Variants in FAM13C observed in about 807,000 individuals in gnomAD.
FAM13C encodes protein FAM13C.
A neutral mutation model predicts 73.2 loss-of-function variants in FAM13C; 37 were observed. The observed-to-expected ratio is 0.51, with a 90% CI of 0.39 to 0.67. The LOEUF is 0.67. Among genes scored for constraint, FAM13C ranks in the 30% least tolerant of loss-of-function variants. The pLI is 0.00. For missense variants in FAM13C, 589 were observed against 715.6 expected (o/e 0.82, Z 2.02); for synonymous variants, 246 against 260.9 (o/e 0.94, Z 0.55).
chr10:59,293,084 T>TTC (rs1846470539), intron 5 of FAM13C, among the ~76,000 whole-genome samples: 1 of 115,274 alleles, frequency 8.7e-6, no homozygotes. Flanking sequence ...TTTTTTTTTT[T>TTC]TTTTTTTGAG....
At position 59,268,229 on chromosome 10, in the gene FAM13C, G is replaced by GAAA. The variant is rs1459964360; in HGVS notation, c.942+323_942+324insTTT. 1.8e-3 allele frequency among the ~76,000 whole-genome samples: 168 copies of GAAA among 91,630 alleles called. 1 individual carries two copies. Among genetic ancestry groups the GAAA allele is most frequent in the African/African-American group, 0.012 (156 of 13,558 alleles). The allele number at this position is 91,630 out of a possible 152,430, so 60.1% of individuals were successfully genotyped here. A position where few individuals can be genotyped will look rare whatever the true frequency, so the allele number is the denominator to read the frequency against. ...GTGAAAAAAAAAGAAAAAAGAAAAA[G>GAAA]AAGAAGAAGAAGAAGAAGAAGACCA... On this transcript the variant is annotated intron_variant, in intron 8 of 13. Transcript: ENST00000618804.
chr10:59,334,670 A>T (rs1326322799), intron 3 of FAM13C, among the ~76,000 whole-genome samples: 1 of 150,454 alleles, frequency 6.6e-6, no homozygotes, highest in Non-Finnish European at 1.5e-5. Context: ...AAAAAAACCA[A>T]ACACTGCATG....
At chr10:59,328,154 T>C (rs436207) in intron 3 of FAM13C, among the ~76,000 whole-genome samples, 10 of 152,020 alleles carry the variant, frequency 6.6e-5, no homozygotes, top group Non-Finnish European at 1.2e-4. Flanking sequence ...CCATCAAATT[T>C]ACTACATTCT....
At chr10:59,338,100 T>C (rs1413835) in intron 3 of FAM13C, among the ~76,000 whole-genome samples, 106,856 of 151,870 alleles carry the variant, frequency 0.7, 38,198 homozygotes, top group East Asian at 0.83. Flanking sequence ...ACAGTAGATA[T>C]TTTAAAAGGA....
At chr10:59,323,535 C>T (rs1850647220) in intron 4 of FAM13C, 1 of 174,862 alleles carries the variant, frequency 5.7e-6, no homozygotes, top group African/African-American at 2.4e-5. Flanking sequence ...AGGCAAGTGC[C>T]TTAATATGTT....
intron 5 of FAM13C, among the ~76,000 whole-genome samples, chr10:59,290,873 C>T (rs1370860051): frequency 6.6e-6 from 1 of 152,150 alleles, no homozygotes; most frequent in African/African-American, 2.4e-5. Context: ...GCAGGGGGGG[C>T]AGGGGTCTCT....
At chr10:59,304,852 A>C (rs1331866144) in intron 4 of FAM13C, among the ~76,000 whole-genome samples, 2 of 34,632 alleles carry the variant, frequency 5.8e-5, no homozygotes, top group East Asian at 8.8e-4. Context: ...GGGGAGGGGG[A>C]GGGGAAGGGA....
intron 2 of FAM13C, among the ~76,000 whole-genome samples, chr10:59,352,859 T>C (rs1855252384): frequency 6.6e-6 from 1 of 152,220 alleles, no homozygotes; most frequent in African/African-American, 2.4e-5. Context: ...TCTAAGAGAT[T>C]AAATCACACG....
At chr10:59,271,726 G>A (rs1253965124) in intron 6 of FAM13C, among the ~76,000 whole-genome samples, 1 of 152,184 alleles carries the variant, frequency 6.6e-6, no homozygotes, top group Non-Finnish European at 1.5e-5. Context: ...ACACCAGTAG[G>A]TGTATGGGTT....
intron 3 of FAM13C, among the ~76,000 whole-genome samples, chr10:59,336,277 CAT>C (rs1376832760): frequency 6.6e-6 from 1 of 152,124 alleles, no homozygotes; most frequent in Non-Finnish European, 1.5e-5. Flanking sequence ...TTAAGAAAAA[CAT>C]AATGCTGCTT....
At chr10:59,360,447 G>C (rs984117133) in intron 1 of FAM13C, among the ~76,000 whole-genome samples, 3 of 152,074 alleles carry the variant, frequency 2.0e-5, no homozygotes, top group South Asian at 2.1e-4. Context: ...TCCCTCCTCC[G>C]TGTAGGCCAA....
chr10:59,288,560 A>T (rs886064426), intron 5 of FAM13C, among the ~76,000 whole-genome samples: 1 of 152,170 alleles, frequency 6.6e-6, no homozygotes, highest in African/African-American at 2.4e-5. Context: ...CTGTACTCAC[A>T]CTAAGCAAGA....
At chr10:59,299,451 G>A (rs1265155470) in intron 5 of FAM13C, among the ~76,000 whole-genome samples, 6 of 150,344 alleles carry the variant, frequency 4.0e-5, no homozygotes, top group African/African-American at 1.5e-4. Context: ...AGAAGTTGAT[G>A]TGGTGCTCTT....
At chr10:59,298,876 T>A (rs1289010614) in intron 5 of FAM13C, among the ~76,000 whole-genome samples, 1 of 152,172 alleles carries the variant, frequency 6.6e-6, no homozygotes, top group Admixed American at 6.6e-5. Context: ...AAGGCCTCAA[T>A]ACTGTAAGAT....
At chr10:59,281,841 G>T (rs1004564683) in intron 6 of FAM13C, among the ~76,000 whole-genome samples, 3 of 152,158 alleles carry the variant, frequency 2.0e-5, no homozygotes, top group African/African-American at 7.2e-5. Context: ...TGAACACTTT[G>T]TCAGAAACTT....
rs1855656405 is a variant in FAM13C at position 59,355,898 on chromosome 10, G to A, written c.108C>T (p.Cys36=). 1 of 1,613,756 alleles carries A rather than the reference G, an allele frequency of 6.2e-7. No homozygotes were observed. ...ATGGTGGCTTTTACCTGAGACTGGA[G>A]CAATCAGTCTGGTCTTCATGTAGAG... The part of the protein sequence containing the change: ...PVSLHEDQTD[C]SSLRDENNKE... Residue 36 remains cysteine, a synonymous_variant, in exon 2 of 14, where the codon TGC becomes TGT. Coordinates refer to ENST00000618804, the MANE Select transcript of FAM13C (RefSeq NM_198215.4).
chr10:59,312,401 A>T (rs940830947), intron 4 of FAM13C, among the ~76,000 whole-genome samples: 2 of 152,092 alleles, frequency 1.3e-5, no homozygotes, highest in Non-Finnish European at 2.9e-5. Context: ...TTCACCTGTC[A>T]TCTTCCCTCC....
intron 4 of FAM13C, among the ~76,000 whole-genome samples, chr10:59,313,692 T>C (rs928504740): frequency 6.6e-6 from 1 of 152,088 alleles, no homozygotes; most frequent in African/African-American, 2.4e-5. Context: ...AGCTTAAAGA[T>C]GTGCAGAAAA....
chr10:59,311,079 C>A (rs909058483), intron 4 of FAM13C, among the ~76,000 whole-genome samples: 1 of 152,184 alleles, frequency 6.6e-6, no homozygotes, highest in Non-Finnish European at 1.5e-5. Context: ...GAGAGAAAGG[C>A]TGTGCCCCTC....
Sources: gnomAD v4.1 joint callset for allele counts (sites outside exome capture counted in the v4.1 genomes callset) on GRCh38, gnomAD v4.1.1 for gene constraint, MANE v1.5 for transcripts, NCBI Gene and HGNC (gene_info 2026-07-23, HGNC 2026-07-21) for gene names.